Variants in PLCB1 observed in about 807,000 individuals in gnomAD.
PLCB1 encodes the protein phospholipase C beta 1, also known as 1-phosphatidylinositol 4,5-bisphosphate phosphodiesterase beta-1.
Under a neutral mutation model 161.8 loss-of-function variants are expected in PLCB1, and 46 were observed. That is an observed-to-expected ratio of 0.28 (90% CI 0.22 to 0.36). PLCB1 has a LOEUF of 0.36. PLCB1 is among the 10% of genes least tolerant of loss of function. The pLI is 1.00. For missense variants in PLCB1, 1,016 were observed against 1,472.5 expected, an observed-to-expected ratio of 0.69 and a Z score of 5.07; for synonymous variants, 517 against 503.7, an observed-to-expected ratio of 1.03 and a Z score of -0.35.
At chr20:8,267,699 C>T (rs901023746) in intron 2 of PLCB1, among the ~76,000 whole-genome samples, 1 of 152,036 alleles carries the variant, frequency 6.6e-6, no homozygotes, top group African/African-American at 2.4e-5. Context: ...CTCCACAGAA[C>T]GGGAGCGGGC....
intron 3 of PLCB1, among the ~76,000 whole-genome samples, chr20:8,469,599 C>G (rs917777532): frequency 6.6e-6 from 1 of 152,014 alleles, no homozygotes; most frequent in Non-Finnish European, 1.5e-5. Context: ...TACCCACAAC[C>G]ATTGTTACTA....
chr20:8,722,009 A>T (rs1047409429), intron 14 of PLCB1, among the ~76,000 whole-genome samples: 4 of 152,190 alleles, frequency 2.6e-5, no homozygotes, highest in African/African-American at 9.7e-5. Flanking sequence ...TCAAAATAGA[A>T]TACATGTACC....
chr20:8,190,598 G>A (rs6108115), intron 2 of PLCB1, among the ~76,000 whole-genome samples: 9,154 of 152,086 alleles, frequency 0.06, 900 homozygotes, highest in African/African-American at 0.2. Context: ...TACAGATAAA[G>A]TGAGCTGGAC....
chr20:8,814,928 G>A (rs961046029), intron 31 of PLCB1, among the ~76,000 whole-genome samples: 7 of 152,098 alleles, frequency 4.6e-5, no homozygotes, highest in Admixed American at 3.9e-4. Flanking sequence ...CTAGTCTCCC[G>A]TCTTTTTGCT....
At chr20:8,474,018 T>C (rs1378571858) in intron 3 of PLCB1, among the ~76,000 whole-genome samples, 2 of 152,238 alleles carry the variant, frequency 1.3e-5, no homozygotes, top group Non-Finnish European at 2.9e-5. Context: ...TAGTCTTGAC[T>C]CTTGCCTGTC....
intron 23 of PLCB1, among the ~76,000 whole-genome samples, chr20:8,745,726 G>T (rs1258740179): frequency 1.3e-5 from 2 of 151,954 alleles, no homozygotes; most frequent in East Asian, 3.9e-4. Context: ...AATTCAGAGT[G>T]GTAGATTAGT....
rs2076689 is a variant in PLCB1 at position 8,716,260 on chromosome 20, T to G, written c.1251-4T>G. On this transcript the variant is annotated splice_region_variant and splice_polypyrimidine_tract_variant and intron_variant, in intron 12 of 31. Coordinates refer to ENST00000338037, the MANE Select transcript of PLCB1 (RefSeq NM_015192.4). ...TTCCTTCTTCTGTTCTTGTTCTCCCTTAGCCCAAAGCAGCAAGCCAAGATG... is the reference window on the plus strand; with the variant it reads ...TTCCTTCTTCTGTTCTTGTTCTCCCGTAGCCCAAAGCAGCAAGCCAAGATG... 0.11 allele frequency: 185,112 copies of G among 1,611,148 alleles called. 13,162 individuals are homozygous for G. The highest frequency in any genetic ancestry group is 0.35 in the East Asian group (15,486 of 44,838).
At chr20:8,574,573 G>A (rs1986616578) in intron 3 of PLCB1, among the ~76,000 whole-genome samples, 1 of 152,118 alleles carries the variant, frequency 6.6e-6, no homozygotes, top group Non-Finnish European at 1.5e-5. Flanking sequence ...AAGTTCCCAG[G>A]GAACAGCATT....
intron 3 of PLCB1, among the ~76,000 whole-genome samples, chr20:8,584,676 T>G (rs1385920561): frequency 6.7e-6 from 1 of 149,780 alleles, no homozygotes; most frequent in African/African-American, 2.5e-5. Flanking sequence ...ATAGTATCCC[T>G]TGATTCTTAT....
intron 31 of PLCB1, among the ~76,000 whole-genome samples, chr20:8,830,045 G>C (rs1985907978): frequency 6.6e-6 from 1 of 152,166 alleles, no homozygotes. Context: ...ATAACTGCTG[G>C]TCCAAGAGAT....
chr20:8,270,642 A>T (rs573171219), intron 2 of PLCB1, among the ~76,000 whole-genome samples: 1 of 152,300 alleles, frequency 6.6e-6, no homozygotes, highest in South Asian at 2.1e-4. Flanking sequence ...TAGGAATCAC[A>T]TTCTTCAAAG....
At chr20:8,244,309 A>G (rs1041805074) in intron 2 of PLCB1, among the ~76,000 whole-genome samples, 1 of 151,960 alleles carries the variant, frequency 6.6e-6, no homozygotes, top group Admixed American at 6.6e-5. Flanking sequence ...CGTATTTGTA[A>G]TAGCCCCAAA....
chr20:8,830,447 G>A (rs985822225), intron 31 of PLCB1, among the ~76,000 whole-genome samples: 1 of 152,178 alleles, frequency 6.6e-6, no homozygotes. Context: ...AGGGGAACCA[G>A]GAAACCTGTT....
rs1055652772 is a variant in PLCB1 at position 8,468,672 on chromosome 20, A to G, written c.246+97222A>G. On this transcript the variant is annotated intron_variant, in intron 3 of 31. Transcript: ENST00000338037. ...TGACTGACATTATTCAATACATCAA[A>G]TGGTATGTTTTCATTAGTTATCTAT... Among the ~76,000 whole-genome samples the G allele has an allele frequency of 2.6e-5, 4 of 152,282 alleles. No individual in the cohort carries two copies. The East Asian group carries it at 7.7e-4, about 29-fold the overall frequency.
chr20:8,478,389 A>T (rs1982368393), intron 3 of PLCB1, among the ~76,000 whole-genome samples: 2 of 152,224 alleles, frequency 1.3e-5, no homozygotes, highest in South Asian at 4.1e-4. Context: ...AAATTAGTGA[A>T]GGGAGGTGTC....
intron 15 of PLCB1, 73 bp from the exon 16 acceptor site, chr20:8,724,583 C>T (rs774467839): frequency 1.7e-5 from 15 of 881,002 alleles, no homozygotes; most frequent in Non-Finnish European, 2.2e-5. Flanking sequence ...ATCATGTTGT[C>T]ATTTTCCTGG....
At chr20:8,546,481 A>G (rs1451970348) in intron 3 of PLCB1, among the ~76,000 whole-genome samples, 1 of 152,124 alleles carries the variant, frequency 6.6e-6, no homozygotes, top group African/African-American at 2.4e-5. Flanking sequence ...TTTTAAGAGA[A>G]CATCATGATT....
At chr20:8,588,810 T>C (rs1197512229) in intron 3 of PLCB1, among the ~76,000 whole-genome samples, 2 of 152,234 alleles carry the variant, frequency 1.3e-5, no homozygotes, top group South Asian at 2.1e-4. Flanking sequence ...AGCAAACTCA[T>C]GTAGCTGATT....
intron 7 of PLCB1, among the ~76,000 whole-genome samples, chr20:8,656,946 G>T (rs1989477066): frequency 6.6e-6 from 1 of 151,910 alleles, no homozygotes; most frequent in Admixed American, 6.6e-5. Context: ...CAGAAAAAAG[G>T]GTTTGACACC....
Sources: allele counts gnomAD v4.1 joint callset (sites outside exome capture counted in the v4.1 genomes callset), GRCh38; gene constraint gnomAD v4.1.1; transcripts MANE v1.5; gene names NCBI Gene and HGNC (gene_info 2026-07-23, HGNC 2026-07-21).